Variants in C19orf53 observed in about 807,000 individuals in gnomAD.
C19orf53 encodes leydig cell tumor 10 kDa protein homolog.
Under a neutral mutation model 6.5 loss-of-function variants are expected in C19orf53, and 9 were observed. That is an observed-to-expected ratio of 1.38 (90% CI 0.83 to 2.40). The LOEUF is 2.40. Ranked by LOEUF, C19orf53 falls within the 30% of genes most tolerant of loss-of-function variation. C19orf53 has a pLI of 0.00. For missense variants in C19orf53, 166 were observed against 129.7 expected, an observed-to-expected ratio of 1.28 and a Z score of -1.36; for synonymous variants, 68 against 52.5, an observed-to-expected ratio of 1.29 and a Z score of -1.27.
chr19:13,777,852 A>G (rs1281061851), intron 2 of C19orf53, among the ~76,000 whole-genome samples, 200 bp from the exon 3 acceptor site: 1 of 152,182 alleles, frequency 6.6e-6, no homozygotes, highest in Non-Finnish European at 1.5e-5. Flanking sequence ...GCCAAGGTGC[A>G]GAAGTGAGGA....
At position 13,774,471 on chromosome 19, in the gene C19orf53, C is replaced by G. The variant is rs771904284; in HGVS notation, c.-7C>G. 3 of 1,595,790 alleles carry G rather than the reference C, an allele frequency of 1.9e-6. No individual in the cohort carries two copies. Among genetic ancestry groups the G allele is most frequent in the Non-Finnish European group, 1.7e-6 (2 of 1,171,554 alleles). The stretch of plus-strand genomic sequence containing the variant: ...ACAGTCCCGCCTCTTCCGCTGCGTG[C>G]CGGACCATGGCGCAGGGGCAGCGCA... On this transcript the variant is annotated 5_prime_UTR_variant, in exon 1 of 3. Transcript: ENST00000588234.
intron 2 of C19orf53, among the ~76,000 whole-genome samples, chr19:13,776,124 A>ATTTTTTTTTT (rs57201742): frequency 1.2e-5 from 1 of 84,916 alleles, no homozygotes. Context: ...CACCGGGCTA[A>ATTTTTTTTTT]TTTTTTTTTT....
rs553313533 is a variant in C19orf53 at position 13,776,811 on chromosome 19, C to T, written c.154-1241C>T. ...CTTTGCCATAGCAGCGCTTACCATC[C>T]TTTAACAGTGTAACATATTACGCTA... On this transcript the variant is annotated intron_variant, in intron 2 of 2. Coordinates refer to ENST00000588234, the MANE Select transcript of C19orf53 (RefSeq NM_014047.3). 1.5e-4 allele frequency among the ~76,000 whole-genome samples: 23 copies of T among 152,350 alleles called. No individual in the cohort carries two copies. In the South Asian group the frequency reaches 3.7e-3, roughly 25 times the overall value.
chr19:13,775,769 A>G (rs1045019464), intron 2 of C19orf53, among the ~76,000 whole-genome samples: 6 of 152,030 alleles, frequency 3.9e-5, no homozygotes, highest in Non-Finnish European at 8.8e-5. Context: ...AGAACTGGGT[A>G]CCCACTGGCC....
In C19orf53 at chr19:13,778,246, T is replaced by C; in HGVS notation, c.*48T>C. On this transcript the variant is annotated 3_prime_UTR_variant, in exon 3 of 3. Transcript: ENST00000588234. Reference sequence around the variant, plus strand: ...CAACATCCCACCCCCTACCTCCATATGGGACCTTGCAAGTCATCCCACAGG... The same window carrying C: ...CAACATCCCACCCCCTACCTCCATACGGGACCTTGCAAGTCATCCCACAGG... 1 of 1,510,494 alleles carries C rather than the reference T, an allele frequency of 6.6e-7. No individual in the cohort carries two copies. The highest frequency in any genetic ancestry group is 8.9e-7 in the Non-Finnish European group (1 of 1,126,288). 93.6% of individuals were successfully genotyped at this position (1,510,494 alleles called of 1,614,324 possible).
At chr19:13,774,739 G>A (rs1568314941) in intron 2 of C19orf53, 32 bp downstream of exon 2, 1 of 1,574,232 alleles carries the variant, frequency 6.4e-7, no homozygotes, top group Admixed American at 1.8e-5. Context: ...AGCCCGGAGG[G>A]CGGCGAGTAG....
In C19orf53 at chr19:13,778,342, G is replaced by T. The variant is rs563415073; in HGVS notation, c.*144G>T. On this transcript the variant is annotated 3_prime_UTR_variant, in exon 3 of 3. Coordinates refer to ENST00000588234, the MANE Select transcript of C19orf53 (RefSeq NM_014047.3). ...CCTAGAACTTCAGTGGGGGCCAAGG[G>T]TGCTGAGAACCCAGCAATGACCAGG... The T allele has an allele frequency of 2.9e-6, 3 of 1,044,754 alleles. No homozygotes were observed. Among genetic ancestry groups the T allele is most frequent in the African/African-American group, 3.3e-5 (2 of 61,492 alleles). 64.7% of individuals were successfully genotyped at this position (1,044,754 alleles called of 1,614,324 possible).
chr19:13,774,678 C>G lies in C19orf53; in HGVS notation c.124C>G (p.Arg42Gly). The change falls in exon 2 of 3, where the codon CGC becomes GGC. Residue 42 changes from arginine to glycine, a missense_variant. By Grantham distance (125) the Arg-to-Gly change is moderately radical (BLOSUM62 -2). Coordinates refer to ENST00000588234, the MANE Select transcript of C19orf53 (RefSeq NM_014047.3). ...GGRVIAPKKARVVQQQKLKKN... is the reference protein window; with the variant it reads ...GGRVIAPKKAGVVQQQKLKKN... ...TCGTGTTATCGCTCCCAAGAAGGCG[C>G]GCGTCGTGCAGCAGCAAAAGCTCAA... The G allele has an allele frequency of 6.2e-7, 1 of 1,608,596 alleles. No individual in the cohort carries two copies. The highest frequency in any genetic ancestry group is 8.5e-7 in the Non-Finnish European group (1 of 1,175,424).
At chr19:13,775,666 G>T (rs1974362579) in intron 2 of C19orf53, 1 of 152,148 alleles carries the variant, frequency 6.6e-6, no homozygotes, top group African/African-American at 2.4e-5. Context: ...TGGTTTTGGT[G>T]GGAGTCAAAC....
rs1373115774 is a variant in C19orf53 at position 13,774,554 on chromosome 19, A to G, written c.77A>G (p.Asn26Ser). 5.6e-6 allele frequency: 9 copies of G among 1,613,924 alleles called. No individual in the cohort carries two copies. The East Asian group carries it at 8.9e-5, about 16-fold the overall frequency. ...SKTAAAASEK[N>S]RGPRKGGRVI... Reference sequence around the variant, plus strand: ...ACGGCAGCGGCAGCCTCTGAAAAGAATCGGGGCCCAAGAAAAGGCGGTAAG... The same window carrying G: ...ACGGCAGCGGCAGCCTCTGAAAAGAGTCGGGGCCCAAGAAAAGGCGGTAAG... The change falls in exon 1 of 3, where the codon AAT (asparagine) becomes AGT (serine). Residue 26 changes from asparagine (N) to serine (S), a missense_variant. Asn to Ser is a conservative substitution (Grantham distance 46, BLOSUM62 1). Coordinates refer to ENST00000588234, the MANE Select transcript of C19orf53 (RefSeq NM_014047.3).
In C19orf53 at chr19:13,774,687, C is replaced by T. The variant is rs761269070; in HGVS notation, c.133C>T (p.Gln45Ter). The T allele has an allele frequency of 1.9e-6, 3 of 1,608,578 alleles. No individual in the cohort carries two copies. The South Asian group carries it at 3.3e-5, about 18-fold the overall frequency. Residue 45 changes from glutamine (Q) to a stop codon, truncating the protein, a stop_gained, in exon 2 of 3, where the codon CAG (glutamine) becomes TAG (stop). Coordinates refer to ENST00000588234, the MANE Select transcript of C19orf53 (RefSeq NM_014047.3). LOFTEE classifies it low-confidence loss of function (END_TRUNC). ...VIAPKKARVV[Q>*]QQKLKKNLEV... Reference sequence around the variant, plus strand: ...CGCTCCCAAGAAGGCGCGCGTCGTGCAGCAGCAAAAGCTCAAGAAGGTGTG... The same window carrying T: ...CGCTCCCAAGAAGGCGCGCGTCGTGTAGCAGCAAAAGCTCAAGAAGGTGTG...
Position 13,774,528 on chromosome 19 carries a change from G to A in C19orf53, c.51G>A (p.Lys17=). The A allele has an allele frequency of 2.5e-6, 4 of 1,613,870 alleles. No individual in the cohort carries two copies. The highest frequency in any genetic ancestry group is 3.4e-6 in the Non-Finnish European group (4 of 1,179,834). ...KFQAHKPAKS[K]TAAAASEKNR... ...AGGCGCACAAACCCGCAAAGAGTAA[G>A]ACGGCAGCGGCAGCCTCTGAAAAGA... Residue 17 remains lysine (K), a synonymous_variant, in exon 1 of 3, where the codon AAG becomes AAA. Coordinates refer to ENST00000588234, the MANE Select transcript of C19orf53 (RefSeq NM_014047.3).
chr19:13,774,582 G>A lies in C19orf53; in HGVS notation c.97+8G>A, dbSNP rs766936718. ...GGGGCCCAAGAAAAGGCGGTAAGGA[G>A]CGGCCCGGGGACTTGGGGGCGAGGT... On this transcript the variant is annotated splice_region_variant and intron_variant, in intron 1 of 2. Coordinates refer to ENST00000588234, the MANE Select transcript of C19orf53 (RefSeq NM_014047.3). 5 of 1,614,080 alleles carry A rather than the reference G, an allele frequency of 3.1e-6. No individual in the cohort carries two copies. In the South Asian group the frequency reaches 3.3e-5, roughly 11 times the overall value.
chr19:13,777,988 G>GTGAC (rs1466783627), intron 2 of C19orf53, 64 bp from the exon 3 acceptor site: 1 of 1,540,144 alleles, frequency 6.5e-7, no homozygotes, highest in Non-Finnish European at 8.8e-7. Context: ...CAGGAAGAGG[G>GTGAC]TGACTGGTCA....
chr19:13,775,729 G>GT (rs1974363210), intron 2 of C19orf53: 1 of 152,184 alleles, frequency 6.6e-6, no homozygotes, highest in Non-Finnish European at 1.5e-5. Context: ...TGAGCAAATT[G>GT]TTTCGTCACC....
Position 13,778,340 on chromosome 19 carries a change from G to C in C19orf53, c.*142G>C. On this transcript the variant is annotated 3_prime_UTR_variant, in exon 3 of 3. Transcript: ENST00000588234. The stretch of plus-strand genomic sequence containing the variant: ...CACCTAGAACTTCAGTGGGGGCCAA[G>C]GGTGCTGAGAACCCAGCAATGACCA... The C allele has an allele frequency of 1.9e-6, 2 of 1,064,570 alleles. No individual in the cohort carries two copies. The highest frequency in any genetic ancestry group is 1.3e-6 in the Non-Finnish European group (1 of 779,886). The allele number at this position is 1,064,570 out of a possible 1,614,324, so 65.9% of individuals were successfully genotyped here.
intron 2 of C19orf53, among the ~76,000 whole-genome samples, chr19:13,775,876 C>T (rs1974365283): frequency 6.6e-6 from 1 of 152,108 alleles, no homozygotes. Context: ...TGCCCTCCTC[C>T]CCCTGTGATC....
In C19orf53 at chr19:13,774,522, G is replaced by C. The variant is rs769781132; in HGVS notation, c.45G>C (p.Lys15Asn). ...QRKFQAHKPA[K>N]SKTAAAASEK... Reference sequence around the variant, plus strand: ...AGTTTCAGGCGCACAAACCCGCAAAGAGTAAGACGGCAGCGGCAGCCTCTG... The same window carrying C: ...AGTTTCAGGCGCACAAACCCGCAAACAGTAAGACGGCAGCGGCAGCCTCTG... Residue 15 changes from lysine (K) to asparagine (N), a missense_variant, in exon 1 of 3, where the codon AAG becomes AAC. Physicochemically the swap from Lys to Asn is moderately conservative, Grantham distance 94 (BLOSUM62 0). Coordinates refer to ENST00000588234, the MANE Select transcript of C19orf53 (RefSeq NM_014047.3). 2 of 1,613,762 alleles carry C rather than the reference G, an allele frequency of 1.2e-6. No individual in the cohort carries two copies. Among genetic ancestry groups the C allele is most frequent in the Non-Finnish European group, 8.5e-7 (1 of 1,179,794 alleles).
Position 13,774,839 on chromosome 19 carries a change from G to A in C19orf53, c.153+132G>A, listed in dbSNP as rs1033467898. ...AGGGTGGATCCTGGGGACGAGCTAG[G>A]AGCGAGGGGATAGAGCCAGGGGCCG... is the stretch of plus-strand genomic sequence containing the variant. On this transcript the variant is annotated intron_variant, in intron 2 of 2. Coordinates refer to ENST00000588234, the MANE Select transcript of C19orf53 (RefSeq NM_014047.3). 4.0e-6 allele frequency: 5 copies of A among 1,253,404 alleles called. No homozygotes were observed. In the African/African-American group the frequency reaches 4.6e-5, roughly 11 times the overall value. 77.6% of individuals were successfully genotyped at this position (1,253,404 alleles called of 1,614,324 possible). A position where few individuals can be genotyped will look rare whatever the true frequency, so the allele number is the denominator to read the frequency against.
Sources: allele counts gnomAD v4.1 joint callset (sites outside exome capture counted in the v4.1 genomes callset), GRCh38; gene constraint gnomAD v4.1.1; transcripts MANE v1.5; gene names NCBI Gene and HGNC (gene_info 2026-07-23, HGNC 2026-07-21).